XYLT1: variants seen among roughly 807,000 people sequenced by gnomAD.
XYLT1 encodes the protein xylosyltransferase 1, also known as beta-D-xylosyltransferase 1.
XYLT1 carries 36 observed loss-of-function variants against 91.3 expected under a neutral mutation model. The observed-to-expected ratio is 0.39, with a 90% confidence interval of 0.30 to 0.52. XYLT1 has a LOEUF of 0.52. Ranked by LOEUF, XYLT1 falls within the 20% of genes least tolerant of loss-of-function variation. The pLI is 0.68. For synonymous variants in XYLT1, 588 were observed against 532.0 expected, an observed-to-expected ratio of 1.11 and a Z score of -1.45; for missense variants, 1,242 against 1,284.5, an observed-to-expected ratio of 0.97 and a Z score of 0.51.
At chr16:17,405,768 C>CTGGGGCCCCTGATGCATGATGAGAG (rs1415614454) in intron 1 of XYLT1, among the ~76,000 whole-genome samples, 2 of 152,228 alleles carry the variant, frequency 1.3e-5, no homozygotes, top group Non-Finnish European at 2.9e-5. Context: ...AAGCCAGGCC[C>CTGGGGCCCCTGATGCATGATGAGAG]TGGGGCCCCT....
At position 17,106,227 on chromosome 16, in the gene XYLT1, C is replaced by T. The variant is rs1366272130; in HGVS notation, c.*2468G>A. 6.6e-6 allele frequency: 1 copy of T among 152,250 alleles called. No homozygotes were observed. The highest frequency in any genetic ancestry group is 2.4e-5 in the African/African-American group (1 of 41,458). 9.4% of individuals were successfully genotyped at this position (152,250 alleles called of 1,614,324 possible). On this transcript the variant is annotated 3_prime_UTR_variant, in exon 12 of 12. Transcript: ENST00000261381. ...CATTATGCACAGGGACTTGCCACTG[C>T]TGAGTCCCCAAAGCCACTGCAAATA...
At position 17,142,532 on chromosome 16, in the gene XYLT1, C is replaced by G. The variant is rs1039677804; in HGVS notation, c.1371-1163G>C. ...CACAGTAACCTCCGCTTCCTGGGTTCAAGTGATTCTCCTGCCTCAGCCTCC... is the reference window on the plus strand; with the variant it reads ...CACAGTAACCTCCGCTTCCTGGGTTGAAGTGATTCTCCTGCCTCAGCCTCC... On this transcript the variant is annotated intron_variant, in intron 6 of 11. Transcript: ENST00000261381. Among the ~76,000 whole-genome samples the G allele has an allele frequency of 2.0e-5, 3 of 147,080 alleles. No homozygotes were observed. The Admixed American group carries it at 2.1e-4, about 10-fold the overall frequency.
intron 1 of XYLT1, among the ~76,000 whole-genome samples, chr16:17,430,532 C>T (rs2036378545): frequency 6.6e-6 from 1 of 152,190 alleles, no homozygotes; most frequent in Admixed American, 6.5e-5. Context: ...GGCAGCAGAA[C>T]ATTAAACCAA....
At chr16:17,328,254 A>G (rs1271891861) in intron 2 of XYLT1, among the ~76,000 whole-genome samples, 1 of 152,076 alleles carries the variant, frequency 6.6e-6, no homozygotes, top group Non-Finnish European at 1.5e-5. Context: ...GGCATATTAA[A>G]AGCCATGATA....
rs1966725882 is a variant in XYLT1, at chr16:17,102,930, C to A, written c.*5765G>T. The A allele has an allele frequency of 6.6e-6, 1 of 151,264 alleles. No homozygotes were observed. The highest frequency in any genetic ancestry group is 1.9e-4 in the East Asian group (1 of 5,140). 9.4% of individuals were successfully genotyped at this position (151,264 alleles called of 1,614,324 possible). Reference sequence around the variant, plus strand: ...GAGGCCTCTAAAACAAATACCCAAACAAATGCTATTGACAACATAATATTT... The same window carrying A: ...GAGGCCTCTAAAACAAATACCCAAAAAAATGCTATTGACAACATAATATTT... On this transcript the variant is annotated 3_prime_UTR_variant, in exon 12 of 12. Transcript: ENST00000261381.
At chr16:17,411,455 A>G (rs528083929) in intron 1 of XYLT1, among the ~76,000 whole-genome samples, 3 of 152,332 alleles carry the variant, frequency 2.0e-5, no homozygotes, top group African/African-American at 7.2e-5. Context: ...GCTGCTAAAA[A>G]AATGCCCAGT....
chr16:17,268,750 G>A (rs1448569578), intron 2 of XYLT1, among the ~76,000 whole-genome samples: 1 of 147,154 alleles, frequency 6.8e-6, no homozygotes, highest in East Asian at 2.0e-4. Context: ...TCGGCTCACC[G>A]CAACCTCCGC....
intron 2 of XYLT1, among the ~76,000 whole-genome samples, chr16:17,286,785 G>A (rs537406244): frequency 6.6e-6 from 1 of 152,152 alleles, no homozygotes; most frequent in Non-Finnish European, 1.5e-5. Context: ...AGCCATCGTT[G>A]ATTGTGTCCT....
intron 5 of XYLT1, among the ~76,000 whole-genome samples, chr16:17,161,251 C>G (rs1352417185): frequency 2.0e-5 from 3 of 152,178 alleles, no homozygotes; most frequent in Non-Finnish European, 4.4e-5. Context: ...ATTTACTTAG[C>G]GATGCTTCCA....
At chr16:17,431,577 G>A (rs1250182106) in intron 1 of XYLT1, among the ~76,000 whole-genome samples, 1 of 152,168 alleles carries the variant, frequency 6.6e-6, no homozygotes, top group East Asian at 1.9e-4. Flanking sequence ...TTCAGAAGGG[G>A]AATACCATGT....
chr16:17,469,457 A>G (rs1387056565), intron 1 of XYLT1, among the ~76,000 whole-genome samples: 2 of 152,204 alleles, frequency 1.3e-5, no homozygotes, highest in Non-Finnish European at 2.9e-5. Context: ...CTCCTGCCCC[A>G]TGTGCTCCTG....
intron 2 of XYLT1, among the ~76,000 whole-genome samples, chr16:17,300,455 T>TC (rs1173056615): frequency 1.6e-5 from 1 of 62,044 alleles, no homozygotes; most frequent in Non-Finnish European, 3.7e-5. Context: ...ATTCTTTCTT[T>TC]TTTTTTTTTT....
At chr16:17,214,302 T>C (rs993431002) in intron 3 of XYLT1, among the ~76,000 whole-genome samples, 1 of 152,214 alleles carries the variant, frequency 6.6e-6, no homozygotes, top group Non-Finnish European at 1.5e-5. Context: ...TCTTCCCCCA[T>C]TAACTCTGGG....
Position 17,430,401 on chromosome 16 carries a change from A to G in XYLT1, c.363+40033T>C, listed in dbSNP as rs115044368. Among the ~76,000 whole-genome samples, 582 of 152,368 alleles carry G rather than the reference A, an allele frequency of 3.8e-3. 5 individuals are homozygous for G. The highest frequency in any genetic ancestry group is 0.013 in the African/African-American group (559 of 41,590). ...CCAAATCTGAAAAGATCCAGAATGC[A>G]CAAAGATTCTGGTCCCAAGCACTTT... On this transcript the variant is annotated intron_variant, in intron 1 of 11. Coordinates refer to ENST00000261381, the MANE Select transcript of XYLT1 (RefSeq NM_022166.4).
intron 2 of XYLT1, among the ~76,000 whole-genome samples, chr16:17,330,361 G>A (rs922427632): frequency 6.6e-6 from 1 of 152,180 alleles, no homozygotes; most frequent in Non-Finnish European, 1.5e-5. Context: ...CTCAGATGAT[G>A]AAATTCTGCT....
intron 2 of XYLT1, among the ~76,000 whole-genome samples, chr16:17,290,217 C>T (rs2034200630): frequency 6.6e-6 from 1 of 152,258 alleles, no homozygotes; most frequent in Admixed American, 6.5e-5. Context: ...TTCAAAATTT[C>T]AACCAAGGAA....
intron 2 of XYLT1, among the ~76,000 whole-genome samples, chr16:17,347,235 A>G (rs990948140): frequency 6.6e-6 from 1 of 152,184 alleles, no homozygotes; most frequent in African/African-American, 2.4e-5. Flanking sequence ...GCTTGCAGGC[A>G]GAAATAACCT....
At chr16:17,263,282 C>G (rs998130852) in intron 2 of XYLT1, among the ~76,000 whole-genome samples, 1 of 152,074 alleles carries the variant, frequency 6.6e-6, no homozygotes, top group East Asian at 1.9e-4. Context: ...CTCCCTCCAC[C>G]CCCCACGGCC....
chr16:17,275,158 C>A (rs1017962938), intron 2 of XYLT1, among the ~76,000 whole-genome samples: 10 of 152,254 alleles, frequency 6.6e-5, no homozygotes, highest in Non-Finnish European at 1.0e-4. Flanking sequence ...GCCTGAGCAA[C>A]AGAGGGAGAC....
Sources: allele counts gnomAD v4.1 joint callset (sites outside exome capture counted in the v4.1 genomes callset), GRCh38; gene constraint gnomAD v4.1.1; transcripts MANE v1.5; gene names NCBI Gene and HGNC (gene_info 2026-07-23, HGNC 2026-07-21).